Variants in CAPN8 observed in about 807,000 individuals in gnomAD.
The protein encoded by CAPN8 is calpain-8.
A neutral mutation model predicts 80.9 loss-of-function variants in CAPN8; 87 were observed. The observed-to-expected ratio is 1.07, with a 90% CI of 0.90 to 1.28. The LOEUF is 1.28. CAPN8 is among the 50% of genes most tolerant of loss of function. The pLI, the probability that CAPN8 is intolerant of heterozygous loss-of-function variation, is 0.00. For synonymous variants in CAPN8, 299 were observed against 273.8 expected (o/e 1.09, Z -0.91); for missense variants, 757 against 702.0 (o/e 1.08, Z -0.89).
chr1:223,610,122 C>G (rs1656994979), intron 11 of CAPN8, among the ~76,000 whole-genome samples: 1 of 152,250 alleles, frequency 6.6e-6, no homozygotes, highest in Non-Finnish European at 1.5e-5. Context: ...CCCCATAACA[C>G]TGTGTCTTTA....
intron 2 of CAPN8, chr1:223,643,968 A>G (rs956154079): frequency 1.6e-4 from 27 of 174,134 alleles, no homozygotes; most frequent in Admixed American, 4.5e-4. Context: ...TTTTTAATAC[A>G]AACAATCCCA....
chr1:223,664,996 G>A (rs1239222431), intron 1 of CAPN8, among the ~76,000 whole-genome samples: 1 of 152,146 alleles, frequency 6.6e-6, no homozygotes, highest in Non-Finnish European at 1.5e-5. Context: ...GCTCATGCCT[G>A]CTATCCCAGC....
At chr1:223,550,878 A>G in intron 15 of CAPN8, 82 bp downstream of exon 15, 2 of 684,870 alleles carry the variant, frequency 2.9e-6, no homozygotes, top group Non-Finnish European at 5.4e-6. Context: ...TGGTGCTGCC[A>G]GCCCAATGCC....
At chr1:223,616,268 A>G (rs758226780) in intron 9 of CAPN8, 123 bp from the exon 10 acceptor site, 2 of 1,113,984 alleles carry the variant, frequency 1.8e-6, no homozygotes, top group South Asian at 3.3e-5. Context: ...AACTGTGCCT[A>G]GTAAGCAGGC....
rs372504407 is a variant in CAPN8 at position 223,620,222 on chromosome 1, A to T, written c.944T>A (p.Leu315Gln). The change falls in exon 8 of 21, where the codon CTG (leucine) becomes CAG (glutamine). Residue 315 changes from leucine (L) to glutamine (Q), a missense_variant. By Grantham distance (113) the Leu-to-Gln change is moderately radical. Transcript: ENST00000366872. ...NHIDPRRKEELDKKVEDGEFW... is the reference protein window; with the variant it reads ...NHIDPRRKEEQDKKVEDGEFW... ...TTCTCCATCCTCAACTTTCTTGTCC[A>T]GTTCTTCCTTCCGCCGGGGGTCTAT... 1.5e-5 allele frequency: 24 copies of T among 1,551,574 alleles called. No individual in the cohort carries two copies. In the African/African-American group the frequency reaches 3.1e-4, roughly 20 times the overall value.
chr1:223,556,895 T>G (rs1656918151), intron 13 of CAPN8, among the ~76,000 whole-genome samples: 1 of 151,868 alleles, frequency 6.6e-6, no homozygotes, highest in African/African-American at 2.4e-5. Context: ...TAAGTCCTCC[T>G]GGGGGCAGTG....
Position 223,544,854 on chromosome 1 carries a change from A to C in CAPN8, c.1834-4T>G, listed in dbSNP as rs1254939245. On this transcript the variant is annotated splice_polypyrimidine_tract_variant and splice_region_variant and intron_variant, in intron 17 of 20. Coordinates refer to ENST00000366872, the MANE Select transcript of CAPN8 (RefSeq NM_001143962.2). The stretch of plus-strand genomic sequence containing the variant: ...AATCAGTTTCCCAATAGATCTCCTA[A>C]AGCAGGAAAGAAATCCCAAGTAGAA... The C allele has an allele frequency of 6.4e-7, 1 of 1,551,644 alleles. No individual in the cohort carries two copies. The highest frequency in any genetic ancestry group is 8.7e-7 in the Non-Finnish European group (1 of 1,146,998).
chr1:223,549,735 T>C (rs1414960641), intron 15 of CAPN8, among the ~76,000 whole-genome samples: 1 of 152,220 alleles, frequency 6.6e-6, no homozygotes, highest in Non-Finnish European at 1.5e-5. Flanking sequence ...CCCCAAAGAC[T>C]GGCTGGGTAT....
At chr1:223,555,169 T>G (rs1572225775) in intron 13 of CAPN8, among the ~76,000 whole-genome samples, 1 of 152,384 alleles carries the variant, frequency 6.6e-6, no homozygotes, top group South Asian at 2.1e-4. Context: ...TATTCACCAC[T>G]GTCCTGTGAG....
At chr1:223,627,251 C>G (rs1657615916) in intron 4 of CAPN8, 94 bp from the exon 5 acceptor site, 1 of 1,369,198 alleles carries the variant, frequency 7.3e-7, no homozygotes, top group Non-Finnish European at 9.9e-7. Flanking sequence ...ATACTGTGGC[C>G]TGGAAGATAA....
rs892737400 is a variant in CAPN8, at chr1:223,645,103, C to A, written c.307+9227G>T. Among the ~76,000 whole-genome samples, 7 of 152,140 alleles carry A rather than the reference C, an allele frequency of 4.6e-5. No individual in the cohort carries two copies. In the East Asian group the frequency reaches 1.4e-3, roughly 29 times the overall value. Reference sequence around the variant, plus strand: ...AGTCTGTGGCCAAAGGCCCGAGAGACCCTGGCAAACCACGGGTGTAAGTCC... The same window carrying A: ...AGTCTGTGGCCAAAGGCCCGAGAGAACCTGGCAAACCACGGGTGTAAGTCC... On this transcript the variant is annotated intron_variant, in intron 2 of 20. Coordinates refer to ENST00000366872, the MANE Select transcript of CAPN8 (RefSeq NM_001143962.2).
At chr1:223,544,351 T>C (rs961778336) in intron 18 of CAPN8, 168 bp from the exon 19 acceptor site, 1 of 603,048 alleles carries the variant, frequency 1.7e-6, no homozygotes, top group Admixed American at 2.8e-5. Context: ...TGTCCTGCCA[T>C]CCATCCCTCT....
In CAPN8 at chr1:223,558,164, T is replaced by A. The variant is rs1369677536; in HGVS notation, c.1539A>T (p.Glu513Asp). 7.5e-6 allele frequency: 3 copies of A among 398,500 alleles called. No homozygotes were observed. Among genetic ancestry groups the A allele is most frequent in the Non-Finnish European group, 1.3e-5 (3 of 226,064 alleles). The allele number at this position is 398,500 out of a possible 1,614,324, so 24.7% of individuals were successfully genotyped here. ...GGTTTCCAGCTACCACATCCCCAATTTCTCTGAAATGCAAAGAAAGAAATA... is the reference window on the plus strand; with the variant it reads ...GGTTTCCAGCTACCACATCCCCAATATCTCTGAAATGCAAAGAAAGAAATA... ...VFSEKKAQAL[E>D]IGDVVAGNPY... Residue 513 changes from glutamate (E) to aspartate (D), a missense_variant, in exon 13 of 21, where the codon GAA becomes GAT. Glu to Asp is a conservative substitution (Grantham distance 45). Transcript: ENST00000366872.
intron 15 of CAPN8, among the ~76,000 whole-genome samples, chr1:223,550,574 A>G (rs887431080): frequency 2.0e-5 from 3 of 152,198 alleles, no homozygotes; most frequent in Admixed American, 6.5e-5. Context: ...GATGAGCTAC[A>G]GAACTAGATC....
chr1:223,637,423 T>C lies in CAPN8; in HGVS notation c.308-8643A>G, dbSNP rs117077989. 3.2e-3 allele frequency among the ~76,000 whole-genome samples: 482 copies of C among 152,258 alleles called. 14 individuals are homozygous for C. In the East Asian group the frequency reaches 0.064, roughly 20 times the overall value. Reference sequence around the variant, plus strand: ...CATCCTCAGTACTCCTGTTTGCTCCTGTCACCTGCTCCCCTGATTCCCATC... The same window carrying C: ...CATCCTCAGTACTCCTGTTTGCTCCCGTCACCTGCTCCCCTGATTCCCATC... On this transcript the variant is annotated intron_variant, in intron 2 of 20. Transcript: ENST00000366872.
At chr1:223,626,118 T>C (rs77609743) in intron 5 of CAPN8, among the ~76,000 whole-genome samples, 19,170 of 152,112 alleles carry the variant, frequency 0.13, 1,274 homozygotes, top group South Asian at 0.17. Flanking sequence ...GGAAGACAAT[T>C]TACCAGCCTT....
At position 223,544,968 on chromosome 1, in the gene CAPN8, A is replaced by G; in HGVS notation, c.1834-118T>C. The G allele has an allele frequency of 3.3e-6, 5 of 1,503,972 alleles. No individual in the cohort carries two copies. In the South Asian group the frequency reaches 6.5e-5, roughly 20 times the overall value. 93.2% of individuals were successfully genotyped at this position (1,503,972 alleles called of 1,614,324 possible). A position where few individuals can be genotyped will look rare whatever the true frequency, so the allele number is the denominator to read the frequency against. On this transcript the variant is annotated intron_variant, in intron 17 of 20. Coordinates refer to ENST00000366872, the MANE Select transcript of CAPN8 (RefSeq NM_001143962.2). Reference sequence around the variant, plus strand: ...AGGGACACTTTCAAAAGGAGACCCTATTGACTCCTCCCAAGAAGGTTTCAG... The same window carrying G: ...AGGGACACTTTCAAAAGGAGACCCTGTTGACTCCTCCCAAGAAGGTTTCAG...
intron 2 of CAPN8, among the ~76,000 whole-genome samples, chr1:223,644,929 T>A (rs537864137): frequency 2.6e-5 from 4 of 152,218 alleles, no homozygotes; most frequent in African/African-American, 9.6e-5. Flanking sequence ...CTAATAGAGA[T>A]GTATATATGA....
intron 16 of CAPN8, among the ~76,000 whole-genome samples, chr1:223,546,830 G>A (rs1002679836): frequency 9.9e-5 from 15 of 152,160 alleles, no homozygotes; most frequent in African/African-American, 3.6e-4. Flanking sequence ...TGCTTGCAGA[G>A]ACCACACCTA....
Sources: allele counts gnomAD v4.1 joint callset (sites outside exome capture counted in the v4.1 genomes callset), GRCh38; gene constraint gnomAD v4.1.1; transcripts MANE v1.5; gene names NCBI Gene and HGNC (gene_info 2026-07-23, HGNC 2026-07-21).